SLC5A2: variants seen among roughly 807,000 people sequenced by gnomAD.
SLC5A2 encodes solute carrier family 5 member 2, also known as sodium/glucose cotransporter 2.
Under a neutral mutation model 69.0 loss-of-function variants are expected in SLC5A2, and 67 were observed. The ratio of observed to expected loss-of-function variants is 0.97; its 90% CI spans 0.80 to 1.19. The LOEUF is 1.19. Among genes scored for constraint, SLC5A2 ranks in the 50% most tolerant of loss-of-function variants. SLC5A2 has a pLI of 0.00. For missense variants in SLC5A2, 1,001 were observed against 921.5 expected, an observed-to-expected ratio of 1.09 and a Z score of -1.12; for synonymous variants, 455 against 395.8, an observed-to-expected ratio of 1.15 and a Z score of -1.78.
chr16:31,488,590 G>T, intron 9 of SLC5A2, 32 bp from the exon 10 acceptor site: 2 of 1,609,774 alleles, frequency 1.2e-6, no homozygotes, highest in Admixed American at 3.3e-5. Flanking sequence ...ACCCCCAGTG[G>T]CCCCAGCCTC....
chr16:31,488,006 CGCAAGCGGGCA>C (rs1200374188), intron 7 of SLC5A2, 21 bp from the exon 8 acceptor site: 2 of 1,609,290 alleles, frequency 1.2e-6, no homozygotes, highest in African/African-American at 1.3e-5. Flanking sequence ...AGGGGAGGCC[CGCAAGCGGGCA>C]GCTGAACGCC....
intron 1 of SLC5A2, 83 bp downstream of exon 1, chr16:31,483,345 G>A: frequency 2.6e-6 from 4 of 1,557,416 alleles, no homozygotes; most frequent in Non-Finnish European, 3.5e-6. Flanking sequence ...CTAGGTGGGA[G>A]AATGATGCTT....
chr16:31,489,345 G>T lies in SLC5A2; in HGVS notation c.1665+7G>T. ...GCCCATCCCCAGAAAGCACGTGAGTGGCCAGGTGCCCCAGGCAAGCACTGT... is the reference window on the plus strand; with the variant it reads ...GCCCATCCCCAGAAAGCACGTGAGTTGCCAGGTGCCCCAGGCAAGCACTGT... On this transcript the variant is annotated splice_region_variant and intron_variant, in intron 12 of 13. Coordinates refer to ENST00000330498, the MANE Select transcript of SLC5A2 (RefSeq NM_003041.4). 6.2e-7 allele frequency: 1 copy of T among 1,605,588 alleles called. No individual in the cohort carries two copies. The highest frequency in any genetic ancestry group is 1.1e-5 in the South Asian group (1 of 90,996).
At position 31,488,510 on chromosome 16, in the gene SLC5A2, A is replaced by G; in HGVS notation, c.1129+20A>G. The G allele has an allele frequency of 6.2e-7, 1 of 1,603,818 alleles. No homozygotes were observed. The highest frequency in any genetic ancestry group is 1.1e-5 in the South Asian group (1 of 89,954). ...CCAACGGTAAGGGCAGCCCCGGGCC[A>G]CAGGCGCAAGCTCGCTGCGGAGCCC... On this transcript the variant is annotated intron_variant, in intron 9 of 13. Coordinates refer to ENST00000330498, the MANE Select transcript of SLC5A2 (RefSeq NM_003041.4).
chr16:31,489,324 A>G lies in SLC5A2; in HGVS notation c.1651A>G (p.Ile551Val), dbSNP rs769739265. Residue 551 changes from isoleucine (I) to valine (V), a missense_variant, in exon 12 of 14, where the codon ATC becomes GTC. By Grantham distance (29) the Ile-to-Val change is conservative. Transcript: ENST00000330498. Reference protein sequence around the residue: ...TLTVSLCTAPIPRKHLHRLVF... With the variant: ...TLTVSLCTAPVPRKHLHRLVF... The stretch of plus-strand genomic sequence containing the variant: ...CACGGTCTCCCTGTGCACCGCGCCC[A>G]TCCCCAGAAAGCACGTGAGTGGCCA... The G allele has an allele frequency of 1.2e-6, 2 of 1,608,632 alleles. No individual in the cohort carries two copies. The highest frequency in any genetic ancestry group is 2.2e-5 in the South Asian group (2 of 91,068).
At position 31,488,437 on chromosome 16, in the gene SLC5A2, T is replaced by G. The variant is rs1441715394; in HGVS notation, c.1076T>G (p.Val359Gly). 6.2e-7 allele frequency: 1 copy of G among 1,611,198 alleles called. No individual in the cohort carries two copies. Among genetic ancestry groups the G allele is most frequent in the East Asian group, 2.2e-5 (1 of 44,804 alleles). The stretch of plus-strand genomic sequence containing the variant: ...TGCAGGCGCGTGTGCGGCACGGAGG[T>G]GGGCTGCTCCAACATCGCCTACCCG... ...EVCRRVCGTE[V>G]GCSNIAYPRL... The change falls in exon 9 of 14, where the codon GTG (valine) becomes GGG (glycine). Residue 359 changes from valine to glycine, a missense_variant. Physicochemically the swap from Val to Gly is moderately radical, Grantham distance 109. Transcript: ENST00000330498.
At position 31,488,813 on chromosome 16, in the gene SLC5A2, G is replaced by A. The variant is rs202213003; in HGVS notation, c.1280+41G>A. On this transcript the variant is annotated intron_variant, in intron 10 of 13. Transcript: ENST00000330498. ...CCCTCCTCCCCAACGGATCAGCCCG[G>A]GGCGGGGGCTTGCGCACCTGCAGGG... The A allele has an allele frequency of 1.2e-5, 19 of 1,600,804 alleles. No homozygotes were observed. In the East Asian group the frequency reaches 3.8e-4, roughly 32 times the overall value.
In SLC5A2 at chr16:31,490,230, G is replaced by A; in HGVS notation, c.1792G>A (p.Glu598Lys). Reference protein sequence around the residue: ...GCPESAMEMNEPQAPAPSLFR... With the variant: ...GCPESAMEMNKPQAPAPSLFR... ...CCCAGAGAGTGCCATGGAGATGAAT[G>A]GTAGGGCACCATGCTGGGAGGTGGG... The change falls in exon 13 of 14, where the codon GAG (glutamate) becomes AAG (lysine). Residue 598 changes from glutamate to lysine, a missense_variant and splice_region_variant. By Grantham distance (56) the Glu-to-Lys change is moderately conservative. Transcript: ENST00000330498. The A allele has an allele frequency of 6.2e-7, 1 of 1,614,130 alleles. No homozygotes were observed. Among genetic ancestry groups the A allele is most frequent in the Middle Eastern group, 1.7e-4 (1 of 6,058 alleles).
chr16:31,490,064 G>A lies in SLC5A2; in HGVS notation c.1666-40G>A, dbSNP rs373371384. The A allele has an allele frequency of 6.1e-4, 984 of 1,611,678 alleles. 1 individual carries two copies. The highest frequency in any genetic ancestry group is 7.7e-4 in the Non-Finnish European group (905 of 1,179,838). ...GAGACTTTAGGGCCAGGCATGGGGGGACAGAACTCCCACCTCGTTCGTGCT... is the reference window on the plus strand; with the variant it reads ...GAGACTTTAGGGCCAGGCATGGGGGAACAGAACTCCCACCTCGTTCGTGCT... On this transcript the variant is annotated intron_variant, in intron 12 of 13. Coordinates refer to ENST00000330498, the MANE Select transcript of SLC5A2 (RefSeq NM_003041.4).
Position 31,483,166 on chromosome 16 carries a change from A to AC in SLC5A2, c.32dup (p.Glu12ArgfsTer10), listed in dbSNP as rs769066330. On this transcript the variant is annotated frameshift_variant, in exon 1 of 14. Coordinates refer to ENST00000330498, the MANE Select transcript of SLC5A2 (RefSeq NM_003041.4). LOFTEE classifies it high-confidence loss of function. ...AGGAGCACACAGAGGCAGGCTCGGC[A>AC]CCAGAGATGGGGGCCCAGAAGGCCC... 10 of 1,613,910 alleles carry AC rather than the reference A, an allele frequency of 6.2e-6. No individual in the cohort carries two copies. The African/African-American group carries it at 1.2e-4, about 19-fold the overall frequency.
Position 31,489,354 on chromosome 16 carries a change from C to A in SLC5A2, c.1665+16C>A, listed in dbSNP as rs758796529. ...CAGAAAGCACGTGAGTGGCCAGGTG[C>A]CCCAGGCAAGCACTGTGGGACACAG... On this transcript the variant is annotated intron_variant, in intron 12 of 13. Transcript: ENST00000330498. 1.9e-6 allele frequency: 3 copies of A among 1,601,304 alleles called. No homozygotes were observed. The highest frequency in any genetic ancestry group is 1.3e-5 in the African/African-American group (1 of 74,954).
At position 31,488,883 on chromosome 16, in the gene SLC5A2, C is replaced by G; in HGVS notation, c.1284C>G (p.Leu428=). ...GATCCGACGGCCTCCGCCGCAGGCT[C>G]TGGGTGGTGTTCATCGTGGTAGTGT... ...GDRELLLVGR[L]WVVFIVVVSV... is the part of the protein sequence containing the mutation. The change falls in exon 11 of 14, where the codon CTC becomes CTG. Residue 428 remains leucine (L), a synonymous_variant. Coordinates refer to ENST00000330498, the MANE Select transcript of SLC5A2 (RefSeq NM_003041.4). 6.2e-7 allele frequency: 1 copy of G among 1,605,326 alleles called. No homozygotes were observed. Among genetic ancestry groups the G allele is most frequent in the East Asian group, 2.2e-5 (1 of 44,864 alleles).
rs766094285 is a variant in SLC5A2, at chr16:31,488,733, G to A, written c.1241G>A (p.Arg414Gln). Residue 414 changes from arginine to glutamine, a missense_variant, in exon 10 of 14, where the codon CGG becomes CAG. Coordinates refer to ENST00000330498, the MANE Select transcript of SLC5A2 (RefSeq NM_003041.4). ...LFTMDIYTRL[R>Q]PRAGDRELLL... ...ACCATGGACATCTACACGCGCCTGC[G>A]GCCACGCGCCGGCGACCGCGAGCTG... is the stretch of plus-strand genomic sequence containing the variant. 30 of 1,610,154 alleles carry A rather than the reference G, an allele frequency of 1.9e-5. No individual in the cohort carries two copies. Among genetic ancestry groups the A allele is most frequent in the Non-Finnish European group, 2.4e-5 (28 of 1,178,684 alleles).
chr16:31,488,215 G>C, intron 8 of SLC5A2, 42 bp downstream of exon 8: 1 of 1,613,798 alleles, frequency 6.2e-7, no homozygotes, highest in Non-Finnish European at 8.5e-7. Context: ...CAGCAACCGG[G>C]CGCCCGTCGC....
rs1127723 is a variant in SLC5A2 at position 31,487,538 on chromosome 16, G to A, written c.664G>A (p.Glu222Lys). 5 of 1,613,698 alleles carry A rather than the reference G, an allele frequency of 3.1e-6. No homozygotes were observed. Among genetic ancestry groups the A allele is most frequent in the Non-Finnish European group, 4.2e-6 (5 of 1,179,974 alleles). The change falls in exon 7 of 14, where the codon GAG becomes AAG. Residue 222 changes from glutamate (E) to lysine (K), a missense_variant. Transcript: ENST00000330498. ...ACILMGYAFH[E>K]VGGYSGLFDK... ...ACGGCCTTGCCCGGCAGCCTTCCAC[G>A]AGGTGGGCGGGTATTCGGGTCTCTT... is the stretch of plus-strand genomic sequence containing the variant.
intron 12 of SLC5A2, 63 bp from the exon 13 acceptor site, chr16:31,490,041 G>T: frequency 6.2e-7 from 1 of 1,608,748 alleles, no homozygotes; most frequent in South Asian, 1.1e-5. Context: ...GTGTGCAAGA[G>T]ACTTTAGGGC....
At chr16:31,485,236 C>A (rs867086170) in intron 3 of SLC5A2, 26 of 516,938 alleles carry the variant, frequency 5.0e-5, no homozygotes, top group Admixed American at 2.9e-4. Flanking sequence ...TGCTCAGATG[C>A]GCTCCGAAGC....
chr16:31,489,279 T>C lies in SLC5A2; in HGVS notation c.1606T>C (p.Cys536Arg). Reference protein sequence around the residue: ...YLYFAIVLFFCSGLLTLTVSL... With the variant: ...YLYFAIVLFFRSGLLTLTVSL... ...CTACTTCGCCATTGTGCTGTTCTTC[T>C]GCTCTGGCCTCCTCACCCTCACGGT... The change falls in exon 12 of 14, where the codon TGC becomes CGC. Residue 536 changes from cysteine to arginine, a missense_variant. By Grantham distance (180) the Cys-to-Arg change is radical. Coordinates refer to ENST00000330498, the MANE Select transcript of SLC5A2 (RefSeq NM_003041.4). The C allele has an allele frequency of 3.1e-6, 5 of 1,611,014 alleles. No individual in the cohort carries two copies. The highest frequency in any genetic ancestry group is 1.7e-5 in the Admixed American group (1 of 60,022).
At chr16:31,485,216 G>A (rs2082486247) in intron 3 of SLC5A2, 1 of 551,822 alleles carries the variant, frequency 1.8e-6, no homozygotes, top group African/African-American at 1.9e-5. Flanking sequence ...CTCAAAGCCA[G>A]GGAAGCACCT....
Sources: gnomAD v4.1 joint callset for allele counts on GRCh38, gnomAD v4.1.1 for gene constraint, MANE v1.5 for transcripts, NCBI Gene and HGNC (gene_info 2026-07-23, HGNC 2026-07-21) for gene names.